NOP56: variants seen among roughly 807,000 people sequenced by gnomAD.
NOP56 encodes the protein nucleolar protein 56.
Under a neutral mutation model 58.3 loss-of-function variants are expected in NOP56, and 31 were observed. The ratio of observed to expected loss-of-function variants is 0.53; its 90% confidence interval spans 0.40 to 0.72. NOP56 has a LOEUF of 0.72. NOP56 is among the 30% of genes least tolerant of loss of function. The pLI, the probability that NOP56 is intolerant of heterozygous loss-of-function variation, is 0.00. For missense variants in NOP56, 669 were observed against 739.9 expected (o/e 0.90, Z 1.11); for synonymous variants, 313 against 282.8 (o/e 1.11, Z -1.07).
chr20:2,654,258 A>G (rs1403763475), intron 3 of NOP56, 156 bp from the exon 4 acceptor site: 16 of 829,946 alleles, frequency 1.9e-5, no homozygotes, highest in South Asian at 1.7e-4. Flanking sequence ...CCTGAGTGCA[A>G]TCACTGATGT....
Position 2,653,390 on chromosome 20 carries a change from G to A in NOP56, c.205G>A (p.Glu69Lys), listed in dbSNP as rs1175242270. 3 of 1,613,614 alleles carry A rather than the reference G, an allele frequency of 1.9e-6. No individual in the cohort carries two copies. The highest frequency in any genetic ancestry group is 3.3e-5 in the Admixed American group (2 of 60,026). The change falls in exon 3 of 12, where the codon GAA becomes AAA. Residue 69 changes from glutamate to lysine, a missense_variant. By Grantham distance (56) the Glu-to-Lys change is moderately conservative. Around this residue, in one of 3 missense-constraint regions of NOP56, gnomAD observed 121 missense variants for 113.1 expected, o/e 1.07. Transcript: ENST00000329276. ...CTTGGAAAATGCCAACGCCGTGTCTGAAGGTAAGTCGGCCACCGCCAAGTG... is the reference window on the plus strand; with the variant it reads ...CTTGGAAAATGCCAACGCCGTGTCTAAAGGTAAGTCGGCCACCGCCAAGTG... The part of the protein sequence containing the change: ...VALENANAVS[E>K]GVVHEDLRLL...
chr20:2,654,316 AT>A, intron 3 of NOP56, 97 bp from the exon 4 acceptor site: 2 of 1,252,146 alleles, frequency 1.6e-6, no homozygotes, highest in South Asian at 2.4e-5. Flanking sequence ...TAGGTATGCC[AT>A]CCCAGCGTGC....
At chr20:2,653,842 A>C (rs1168152869) in intron 3 of NOP56, 2 of 264,462 alleles carry the variant, frequency 7.6e-6, no homozygotes, top group South Asian at 7.8e-5. Context: ...TTTGGTAGAG[A>C]CGGGGTTTCA....
At chr20:2,653,547 T>C in intron 3 of NOP56, 154 bp downstream of exon 3, 1 of 639,424 alleles carries the variant, frequency 1.6e-6, no homozygotes, top group Non-Finnish European at 2.8e-6. Context: ...TTGAAATAAT[T>C]GTCTTCACAG....
rs2146297157 is a variant in NOP56 at position 2,656,542 on chromosome 20, C to T, written c.1152C>T (p.Cys384=). The T allele has an allele frequency of 4.3e-6, 7 of 1,612,564 alleles. No individual in the cohort carries two copies. Among genetic ancestry groups the T allele is most frequent in the Non-Finnish European group, 5.9e-6 (7 of 1,179,346 alleles). The change falls in exon 9 of 12, where the codon TGC becomes TGT. Residue 384 remains cysteine, a synonymous_variant. Coordinates refer to ENST00000329276, the MANE Select transcript of NOP56 (RefSeq NM_006392.4). ...GCAGTATTGCCTCACGAATCGATTGCTTCTCTGGTATGGGTGGGGGGGCGT... is the reference window on the plus strand; with the variant it reads ...GCAGTATTGCCTCACGAATCGATTGTTTCTCTGGTATGGGTGGGGGGGCGT... ...NKCSIASRID[C]FSEVPTSVFG...
At chr20:2,657,588 C>G (rs1378388249) in intron 11 of NOP56, 2 of 511,568 alleles carry the variant, frequency 3.9e-6, no homozygotes, top group African/African-American at 3.9e-5. Flanking sequence ...ATGTGCTAAG[C>G]TACAATCATT....
rs965460075 is a variant in NOP56 at position 2,656,190 on chromosome 20, C to T, written c.1010+156C>T. The T allele has an allele frequency of 2.5e-6, 4 of 1,606,140 alleles. No homozygotes were observed. In the African/African-American group the frequency reaches 4.0e-5, roughly 16 times the overall value. ...CCTGGTGTCTGAGTGATTCCCAGGG[C>T]CCAGCAAAGGGACCAAGTTTCCAGG... On this transcript the variant is annotated intron_variant, in intron 8 of 11. Transcript: ENST00000329276.
Position 2,655,348 on chromosome 20 carries a change from C to T in NOP56, c.593C>T (p.Pro198Leu), listed in dbSNP as rs759054429. The change falls in exon 6 of 12, where the codon CCG becomes CTG. Residue 198 changes from proline (P) to leucine (L), a missense_variant. Pro to Leu is a moderately conservative substitution (Grantham distance 98, BLOSUM62 -3). Around this residue, in one of 3 missense-constraint regions of NOP56, gnomAD observed 339 missense variants for 430.5 expected, o/e 0.79. Transcript: ENST00000329276. ...RVREWYGYHF[P>L]ELVKIINDNA... ...AGGGAGTGGTACGGGTATCACTTTCCGGAGCTGGTGAAGATCATCAACGAC... is the reference window on the plus strand; with the variant it reads ...AGGGAGTGGTACGGGTATCACTTTCTGGAGCTGGTGAAGATCATCAACGAC... 1 of 1,614,124 alleles carries T rather than the reference C, an allele frequency of 6.2e-7. No homozygotes were observed. The highest frequency in any genetic ancestry group is 1.3e-5 in the African/African-American group (1 of 75,016).
Position 2,654,619 on chromosome 20 carries a change from G to C in NOP56, c.370+44G>C, listed in dbSNP as rs186397749. 5.0e-6 allele frequency: 8 copies of C among 1,609,490 alleles called. No individual in the cohort carries two copies. The East Asian group carries it at 1.6e-4, about 31-fold the overall frequency. Reference sequence around the variant, plus strand: ...ATATTCCTGTTATCCTGGACATTTTGGGGGAGGAGGTTCTGGAAACTTGGT... The same window carrying C: ...ATATTCCTGTTATCCTGGACATTTTCGGGGAGGAGGTTCTGGAAACTTGGT... On this transcript the variant is annotated intron_variant, in intron 4 of 11. Transcript: ENST00000329276.
At chr20:2,654,676 G>A in intron 4 of NOP56, 73 bp from the exon 5 acceptor site, 2 of 1,606,388 alleles carry the variant, frequency 1.2e-6, no homozygotes, top group Middle Eastern at 1.7e-4. Context: ...AGGCCTTCAG[G>A]CTGGGCTGGT....
chr20:2,657,845 C>T (rs565558265), intron 11 of NOP56, 84 bp from the exon 12 acceptor site: 673 of 1,430,704 alleles, frequency 4.7e-4, no homozygotes, highest in Non-Finnish European at 6.0e-4. Context: ...GTTAACGACA[C>T]GCGTTCCCCT....
rs2086850066 is a variant in NOP56 at position 2,657,978 on chromosome 20, T to C, written c.1469T>C (p.Val490Ala). ...KKKKKQKPQE[V>A]PQENGMEDPS... ...AAGAAAAAGCAAAAGCCCCAGGAGG[T>C]TCCTCAGGAGAATGGAATGGAAGAC... The change falls in exon 12 of 12, where the codon GTT (valine) becomes GCT (alanine). Residue 490 changes from valine (V) to alanine (A), a missense_variant. Around this residue, in one of 3 missense-constraint regions of NOP56, gnomAD observed 209 missense variants for 196.2 expected, o/e 1.07. Coordinates refer to ENST00000329276, the MANE Select transcript of NOP56 (RefSeq NM_006392.4). 3.7e-6 allele frequency: 6 copies of C among 1,607,150 alleles called. No individual in the cohort carries two copies. The highest frequency in any genetic ancestry group is 5.1e-6 in the Non-Finnish European group (6 of 1,175,406).
rs201309191 is a variant in NOP56 at position 2,652,816 on chromosome 20, C to G, written c.4-26C>G. ...CCGGCAGACGCTGAGGTTGCGTTGA[C>G]GCTCGCGCCCCGGCTCCCGTTCCAG... On this transcript the variant is annotated intron_variant, in intron 1 of 11. Coordinates refer to ENST00000329276, the MANE Select transcript of NOP56 (RefSeq NM_006392.4). 1.9e-6 allele frequency: 3 copies of G among 1,600,344 alleles called. No individual in the cohort carries two copies. In the South Asian group the frequency reaches 3.4e-5, roughly 18 times the overall value.
At position 2,657,171 on chromosome 20, in the gene NOP56, G is replaced by C; in HGVS notation, c.1372G>C (p.Ala458Pro). ...KKEKKRLAAL[A>P]LASSENSSST... The stretch of plus-strand genomic sequence containing the variant: ...GGAAAAGAAACGGCTGGCTGCACTT[G>C]CCCTCGCGTCTTCAGAAAACAGCAG... The change falls in exon 11 of 12, where the codon GCC (alanine) becomes CCC (proline). Residue 458 changes from alanine (A) to proline (P), a missense_variant. Ala to Pro is a conservative substitution (Grantham distance 27). Coordinates refer to ENST00000329276, the MANE Select transcript of NOP56 (RefSeq NM_006392.4). The C allele has an allele frequency of 6.2e-7, 1 of 1,614,160 alleles. No individual in the cohort carries two copies. Among genetic ancestry groups the C allele is most frequent in the Non-Finnish European group, 8.5e-7 (1 of 1,180,022 alleles).
At chr20:2,653,520 G>A (rs1195232200) in intron 3 of NOP56, 127 bp downstream of exon 3, 2 of 714,612 alleles carry the variant, frequency 2.8e-6, no homozygotes, top group Non-Finnish European at 2.5e-6. Context: ...CAGTATTTGA[G>A]CCATACAATG....
chr20:2,653,014 G>A, intron 2 of NOP56, 83 bp downstream of exon 2: 2 of 1,304,458 alleles, frequency 1.5e-6, no homozygotes, highest in African/African-American at 1.5e-5. Context: ...GCTCCCACGT[G>A]GCCGGCCGAG....
At position 2,652,898 on chromosome 20, in the gene NOP56, G is replaced by A. The variant is rs146329345; in HGVS notation, c.60G>A (p.Lys20=). Residue 20 remains lysine (K), a synonymous_variant, in exon 2 of 12, where the codon AAG becomes AAA. Coordinates refer to ENST00000329276, the MANE Select transcript of NOP56 (RefSeq NM_006392.4). The stretch of plus-strand genomic sequence containing the variant: ...TCGGCTACGCGCTGCTGGCGCTGAA[G>A]GAAGTGGAGGAGATCAGTCTGCTGC... ...HAVGYALLAL[K]EVEEISLLQP... is the part of the protein sequence containing the mutation. 663 of 1,609,862 alleles carry A rather than the reference G, an allele frequency of 4.1e-4. 7 individuals are homozygous for A. In the African/African-American group the frequency reaches 7.0e-3, roughly 17 times the overall value.
In NOP56 at chr20:2,657,809, A is replaced by G. The variant is rs76180960; in HGVS notation, c.1420-120A>G. ...TTTCTAAAGTTATACCCACACAATT[A>G]AACTATCCCAGAAACACTGGGCAAT... is the stretch of plus-strand genomic sequence containing the variant. On this transcript the variant is annotated intron_variant, in intron 11 of 11. Coordinates refer to ENST00000329276, the MANE Select transcript of NOP56 (RefSeq NM_006392.4). The G allele has an allele frequency of 7.6e-4, 881 of 1,165,882 alleles. 3 individuals are homozygous for G. The highest frequency in any genetic ancestry group is 9.8e-4 in the Non-Finnish European group (811 of 826,022). 72.2% of individuals were successfully genotyped at this position (1,165,882 alleles called of 1,614,324 possible). A position where few individuals can be genotyped will look rare whatever the true frequency, so the allele number is the denominator to read the frequency against.
intron 4 of NOP56, 67 bp from the exon 5 acceptor site, chr20:2,654,682 C>T: frequency 6.2e-7 from 1 of 1,606,158 alleles, no homozygotes; most frequent in Non-Finnish European, 8.5e-7. Context: ...TCAGGCTGGG[C>T]TGGTGCCCGT....
Sources: gnomAD v4.1 joint callset for allele counts on GRCh38, gnomAD v4.1.1 for gene constraint, gnomAD v4.1.1 regional missense constraint, MANE v1.5 for transcripts, NCBI Gene and HGNC (gene_info 2026-07-23, HGNC 2026-07-21) for gene names.